MAD1L1: variants seen among roughly 807,000 people sequenced by gnomAD.
MAD1L1 encodes the protein mitotic spindle assembly checkpoint protein MAD1.
Under a neutral mutation model 96.9 loss-of-function variants are expected in MAD1L1, and 95 were observed. That is an observed-to-expected ratio of 0.98 (90% CI 0.83 to 1.16). The LOEUF (loss-of-function observed/expected upper bound fraction) is 1.16. Among genes scored for constraint, MAD1L1 ranks in the 50% most tolerant of loss-of-function variants. The probability of loss-of-function intolerance (pLI) is 0.00; values close to 1 mark genes in which losing one functional copy is unlikely to be tolerated. For synonymous variants in MAD1L1, 473 were observed against 396.6 expected (o/e 1.19, Z -2.29); for missense variants, 1,007 against 954.4 (o/e 1.06, Z -0.73).
rs138855432 is a variant in MAD1L1 at position 2,142,326 on chromosome 7, T to C, written c.1073+6826A>G. ...CCGTTCTAGAGACAGACAAGGAGCC[T>C]CAAAAGGCTGTCCCCTGGTGCAGGG... On this transcript the variant is annotated intron_variant, in intron 11 of 18. Transcript: ENST00000265854. The surrounding 1 kb of genome is among the most constrained non-coding windows in gnomAD (Gnocchi z 4.7). 6.6e-6 allele frequency among the ~76,000 whole-genome samples: 1 copy of C among 152,208 alleles called. No homozygotes were observed. The highest frequency in any genetic ancestry group is 1.5e-5 in the Non-Finnish European group (1 of 68,008).
chr7:2,207,885 G>C (rs962298813), intron 10 of MAD1L1, among the ~76,000 whole-genome samples: 1 of 152,144 alleles, frequency 6.6e-6, no homozygotes, highest in African/African-American at 2.4e-5. Context: ...AGATGTGTGG[G>C]ACTGGGCCCT....
At chr7:1,967,538 G>A (rs990198724) in intron 15 of MAD1L1, among the ~76,000 whole-genome samples, 3 of 152,246 alleles carry the variant, frequency 2.0e-5, no homozygotes, top group East Asian at 3.8e-4. Flanking sequence ...CAGCTGGCGG[G>A]AGGGTGTAGA....
chr7:1,847,728 C>T (rs944569850), intron 18 of MAD1L1: 12 of 469,464 alleles, frequency 2.6e-5, no homozygotes, highest in Admixed American at 1.4e-4. Flanking sequence ...ATCGCTTCGG[C>T]GTCCCTGGGC....
At chr7:1,827,434 G>GCC (rs1782457766) in intron 18 of MAD1L1, among the ~76,000 whole-genome samples, 6 of 108,156 alleles carry the variant, frequency 5.5e-5, no homozygotes, top group East Asian at 3.0e-4. Context: ...TGAGCCCGTC[G>GCC]CGGGTGTGGG....
rs188066927 is a variant in MAD1L1, at chr7:2,045,461, G to A, written c.1218+23733C>T. 1.6e-4 allele frequency among the ~76,000 whole-genome samples: 25 copies of A among 152,274 alleles called. No homozygotes were observed. The East Asian group carries it at 2.7e-3, about 16-fold the overall frequency. On this transcript the variant is annotated intron_variant, in intron 12 of 18. Transcript: ENST00000265854. ...ATAGCACTATCCCTCTCGGGAGCCC[G>A]CAGGGTCACACCAGCCTGGCTTACA...
At chr7:2,199,171 G>A (rs1047429435) in intron 10 of MAD1L1, among the ~76,000 whole-genome samples, 3 of 152,254 alleles carry the variant, frequency 2.0e-5, no homozygotes, top group Non-Finnish European at 2.9e-5. Flanking sequence ...TTTGCAAAGC[G>A]AGGAAACTGA....
At chr7:1,900,603 G>C (rs73288781) in intron 17 of MAD1L1, among the ~76,000 whole-genome samples, 1 of 152,100 alleles carries the variant, frequency 6.6e-6, no homozygotes, top group African/African-American at 2.4e-5. Flanking sequence ...TCCCTCGGCT[G>C]ATCCTCCCGA....
chr7:1,987,689 G>A (rs11765550), intron 14 of MAD1L1, among the ~76,000 whole-genome samples: 49,527 of 152,132 alleles, frequency 0.33, 8,941 homozygotes, highest in East Asian at 0.56. Context: ...ACGGCCGCCC[G>A]GCAGCCCCGG....
At chr7:2,149,568 G>A (rs544790774) in intron 10 of MAD1L1, among the ~76,000 whole-genome samples, 311 of 152,256 alleles carry the variant, frequency 2.0e-3, no homozygotes, top group Admixed American at 3.4e-3. Flanking sequence ...CCTGGCACAG[G>A]GGAGGTGCTC....
At position 2,004,480 on chromosome 7, in the gene MAD1L1, A is replaced by C. The variant is rs191648776; in HGVS notation, c.1360-2359T>G. Among the ~76,000 whole-genome samples the C allele has an allele frequency of 3.7e-3, 562 of 152,378 alleles. 2 individuals carry two copies. Among genetic ancestry groups the C allele is most frequent in the Non-Finnish European group, 4.7e-3 (318 of 68,036 alleles). ...AACCTTGCAAGGTCAAAGGCACTTT[A>C]CAGGAGCAGCTTAGAAGAGGCAGGG... On this transcript the variant is annotated intron_variant, in intron 13 of 18. Transcript: ENST00000265854.
rs534188714 is a variant in MAD1L1 at position 2,225,758 on chromosome 7, C to T, written c.151-208G>A. Among the ~76,000 whole-genome samples the T allele has an allele frequency of 5.3e-5, 8 of 152,334 alleles. No homozygotes were observed. The South Asian group carries it at 1.5e-3, about 28-fold the overall frequency. On this transcript the variant is annotated intron_variant, in intron 3 of 18. Coordinates refer to ENST00000265854, the MANE Select transcript of MAD1L1 (RefSeq NM_001013836.2). ...GTGAAAAAGCCTGGGAAGAGGAAGA[C>T]GTCTTTTGAGATGACATTAAGCATA...
Position 2,141,013 on chromosome 7 carries a change from C to CAGCT in MAD1L1, c.1073+8135_1073+8138dup, listed in dbSNP as rs565093551. ...CAGTCTGGGTGTGAAATATTAACGG[C>CAGCT]AGCTCATCTTGCTGAAAGAAGCAAC... On this transcript the variant is annotated intron_variant, in intron 11 of 18. Coordinates refer to ENST00000265854, the MANE Select transcript of MAD1L1 (RefSeq NM_001013836.2). Among the ~76,000 whole-genome samples the CAGCT allele has an allele frequency of 1.1e-3, 169 of 152,386 alleles. 5 individuals carry two copies. The South Asian group carries it at 0.033, about 29-fold the overall frequency.
intron 5 of MAD1L1, chr7:2,221,085 C>A: frequency 6.5e-7 from 1 of 1,542,338 alleles, no homozygotes; most frequent in Non-Finnish European, 8.8e-7. Flanking sequence ...GGAGCGGCCA[C>A]CTCGGCTTAG....
intron 15 of MAD1L1, among the ~76,000 whole-genome samples, chr7:1,974,595 C>T (rs868699924): frequency 2.0e-5 from 3 of 152,134 alleles, no homozygotes; most frequent in African/African-American, 7.2e-5. Flanking sequence ...TGAGAAAATA[C>T]AGAAGGTAGG....
At chr7:1,959,221 C>G (rs544181144) in intron 15 of MAD1L1, among the ~76,000 whole-genome samples, 22 of 152,126 alleles carry the variant, frequency 1.4e-4, no homozygotes, top group Non-Finnish European at 2.6e-4. Context: ...CAGTGCACTC[C>G]AGCACTGACA....
intron 13 of MAD1L1, among the ~76,000 whole-genome samples, chr7:2,003,724 G>A (rs148315680): frequency 2.0e-5 from 3 of 152,140 alleles, no homozygotes; most frequent in Non-Finnish European, 2.9e-5. Flanking sequence ...GACCAGCCCC[G>A]CCTGCTGCCC....
chr7:2,118,550 C>T (rs1787827495), intron 11 of MAD1L1, among the ~76,000 whole-genome samples: 1 of 152,220 alleles, frequency 6.6e-6, no homozygotes, highest in East Asian at 1.9e-4. Context: ...ACACACTGGG[C>T]CAGCATTTTC....
At chr7:1,973,238 C>T (rs565217612) in intron 15 of MAD1L1, among the ~76,000 whole-genome samples, 1 of 151,904 alleles carries the variant, frequency 6.6e-6, no homozygotes, top group African/African-American at 2.4e-5. Flanking sequence ...TAGATCTGCC[C>T]GATTCTCTGT....
chr7:1,839,581 G>A (rs768632594), intron 18 of MAD1L1, among the ~76,000 whole-genome samples: 2 of 152,222 alleles, frequency 1.3e-5, no homozygotes, highest in Non-Finnish European at 2.9e-5. Flanking sequence ...CAGGGCCATA[G>A]AGAGCATTTC....
Sources: gnomAD v4.1 joint callset for allele counts (sites outside exome capture counted in the v4.1 genomes callset) on GRCh38, gnomAD v4.1.1 for gene constraint, Gnocchi (gnomAD v3.1) non-coding constraint, MANE v1.5 for transcripts, NCBI Gene and HGNC (gene_info 2026-07-23, HGNC 2026-07-21) for gene names.